Variants in ADNP2 observed in about 807,000 individuals in gnomAD.
The protein encoded by ADNP2 is ADNP homeobox 2.
ADNP2 carries 8 observed loss-of-function variants against 16.4 expected under a neutral mutation model. The ratio of observed to expected loss-of-function variants is 0.49; its 90% CI spans 0.29 to 0.88. The LOEUF (loss-of-function observed/expected upper bound fraction) is 0.88. ADNP2 is among the 40% of genes least tolerant of loss of function. The pLI is 0.09. For missense variants in ADNP2, 1,397 were observed against 1,395.1 expected, an observed-to-expected ratio of 1.00 and a Z score of -0.02; for synonymous variants, 637 against 545.8, an observed-to-expected ratio of 1.17 and a Z score of -2.33.
chr18:80,112,433 CAAAA>C (rs958958900), intron 1 of ADNP2, among the ~76,000 whole-genome samples: 1 of 124,430 alleles, frequency 8.0e-6, no homozygotes, highest in Non-Finnish European at 1.7e-5. Flanking sequence ...AACTGCTAAA[CAAAA>C]AAAAAAAGGA....
At chr18:80,135,481 G>A (rs1395684369) in intron 3 of ADNP2, 131 bp from the exon 4 acceptor site, 1 of 977,014 alleles carries the variant, frequency 1.0e-6, no homozygotes, top group Non-Finnish European at 1.5e-6. Context: ...CAACCCCTGG[G>A]TTAGAAAACA....
At chr18:80,126,208 A>G (rs751052863) in intron 2 of ADNP2, among the ~76,000 whole-genome samples, 3 of 152,174 alleles carry the variant, frequency 2.0e-5, no homozygotes, top group Non-Finnish European at 4.4e-5. Context: ...TCTACAGTAT[A>G]AGAACCTTAG....
rs1283548094 is a variant in ADNP2, at chr18:80,140,267, A to C, written c.*1458A>C. On this transcript the variant is annotated 3_prime_UTR_variant, in exon 4 of 4. Coordinates refer to ENST00000262198, the MANE Select transcript of ADNP2 (RefSeq NM_014913.4). ...TGTACTCTGTTGTAAATTCAAAGAGAGCTTGTTGAACATTTTTTTTTTTTA... is the reference window on the plus strand; with the variant it reads ...TGTACTCTGTTGTAAATTCAAAGAGCGCTTGTTGAACATTTTTTTTTTTTA... 6.6e-6 allele frequency: 1 copy of C among 152,228 alleles called. No homozygotes were observed. The highest frequency in any genetic ancestry group is 1.5e-5 in the Non-Finnish European group (1 of 67,952). 9.4% of individuals were successfully genotyped at this position (152,228 alleles called of 1,614,324 possible).
chr18:80,132,230 G>A, intron 2 of ADNP2, among the ~76,000 whole-genome samples: 1 of 152,162 alleles, frequency 6.6e-6, no homozygotes, highest in South Asian at 2.1e-4. Flanking sequence ...CTTGCTGAGA[G>A]CTTTATAGTC....
chr18:80,131,664 C>A (rs1346829848), intron 2 of ADNP2, among the ~76,000 whole-genome samples: 2 of 151,110 alleles, frequency 1.3e-5, no homozygotes, highest in Non-Finnish European at 2.9e-5. Context: ...CAATACTATG[C>A]AGCCATAAAA....
intron 1 of ADNP2, among the ~76,000 whole-genome samples, chr18:80,110,852 C>T (rs1412386210): frequency 6.6e-6 from 1 of 152,072 alleles, no homozygotes; most frequent in Admixed American, 6.6e-5. Flanking sequence ...GTCCTACCGG[C>T]CCTCTAGTTG....
In ADNP2 at chr18:80,139,547, T is replaced by C. The variant is rs1485983274; in HGVS notation, c.*738T>C. On this transcript the variant is annotated 3_prime_UTR_variant, in exon 4 of 4. Coordinates refer to ENST00000262198, the MANE Select transcript of ADNP2 (RefSeq NM_014913.4). Reference sequence around the variant, plus strand: ...ATTTATTCTGTAGATGCAGAAATATTTTTCAGTGTAGATTTTCCCTTTTGA... The same window carrying C: ...ATTTATTCTGTAGATGCAGAAATATCTTTCAGTGTAGATTTTCCCTTTTGA... 6.6e-6 allele frequency: 1 copy of C among 152,588 alleles called. No homozygotes were observed. Among genetic ancestry groups the C allele is most frequent in the African/African-American group, 2.4e-5 (1 of 41,430 alleles). The allele number at this position is 152,588 out of a possible 1,614,324, so 9.5% of individuals were successfully genotyped here.
rs192885444 is a variant in ADNP2, at chr18:80,139,953, G to A, written c.*1144G>A. ...ATATTGTTAAAGAATCTCCATTGTCGTCACTGTCCTGTGGATGTTAAACCT... is the reference window on the plus strand; with the variant it reads ...ATATTGTTAAAGAATCTCCATTGTCATCACTGTCCTGTGGATGTTAAACCT... On this transcript the variant is annotated 3_prime_UTR_variant, in exon 4 of 4. Coordinates refer to ENST00000262198, the MANE Select transcript of ADNP2 (RefSeq NM_014913.4). The A allele has an allele frequency of 6.6e-6, 1 of 152,234 alleles. No homozygotes were observed. Among genetic ancestry groups the A allele is most frequent in the East Asian group, 1.9e-4 (1 of 5,186 alleles). The allele number at this position is 152,234 out of a possible 1,614,324, so 9.4% of individuals were successfully genotyped here. A position where few individuals can be genotyped will look rare whatever the true frequency, so the allele number is the denominator to read the frequency against.
rs760371722 is a variant in ADNP2, at chr18:80,137,550, G to A, written c.2137G>A (p.Glu713Lys). 3 of 1,614,234 alleles carry A rather than the reference G, an allele frequency of 1.9e-6. No homozygotes were observed. Among genetic ancestry groups the A allele is most frequent in the African/African-American group, 2.7e-5 (2 of 75,060 alleles). ...GTCCAACGTCTACCAGGTCCACATG[G>A]AGGTAGCGCATAAGCACAGCGAGTC... Reference protein sequence around the residue: ...FPSNVYQVHMEVAHKHSESKS... With the variant: ...FPSNVYQVHMKVAHKHSESKS... The change falls in exon 4 of 4, where the codon GAG becomes AAG. Residue 713 changes from glutamate to lysine, a missense_variant. Physicochemically the swap from Glu to Lys is moderately conservative, Grantham distance 56. Around this residue, in one of 3 missense-constraint regions of ADNP2, gnomAD observed 611 missense variants for 648.7 expected, o/e 0.94. Transcript: ENST00000262198. The surrounding 1 kb of genome is among the most constrained non-coding windows in gnomAD (Gnocchi z 4.2).
intron 1 of ADNP2, among the ~76,000 whole-genome samples, chr18:80,112,899 T>C (rs1240528875): frequency 1.3e-5 from 2 of 152,230 alleles, no homozygotes; most frequent in Non-Finnish European, 2.9e-5. Flanking sequence ...TGATGGTCCC[T>C]ACTTTAGACA....
intron 2 of ADNP2, among the ~76,000 whole-genome samples, chr18:80,127,174 CTG>C (rs980846940): frequency 1.3e-5 from 2 of 152,012 alleles, no homozygotes; most frequent in African/African-American, 4.8e-5. Context: ...GTAGGTATGT[CTG>C]TATAGGAAAA....
At chr18:80,128,644 C>T (rs1054202343) in intron 2 of ADNP2, among the ~76,000 whole-genome samples, 5 of 151,870 alleles carry the variant, frequency 3.3e-5, no homozygotes, top group Admixed American at 6.6e-5. Context: ...AGCAAGACCC[C>T]GTCTCAAAAA....
At chr18:80,123,099 C>T (rs1410342618) in intron 2 of ADNP2, among the ~76,000 whole-genome samples, 1 of 152,006 alleles carries the variant, frequency 6.6e-6, no homozygotes, top group Admixed American at 6.6e-5. Context: ...GTGCTTCATT[C>T]TACTAATGTG....
At position 80,137,297 on chromosome 18, in the gene ADNP2, T is replaced by A; in HGVS notation, c.1884T>A (p.Pro628=). 6.2e-7 allele frequency: 1 copy of A among 1,613,988 alleles called. No individual in the cohort carries two copies. Among genetic ancestry groups the A allele is most frequent in the South Asian group, 1.1e-5 (1 of 91,080 alleles). ...TGTCTGTCACTCTGCCGGTTCCCCC[T>A]GGAGGCCTTGCGACTGTCGCTCCGC... ...APVSVTLPVP[P]GGLATVAPPQ... Residue 628 remains proline (P), a synonymous_variant, in exon 4 of 4, where the codon CCT becomes CCA. Coordinates refer to ENST00000262198, the MANE Select transcript of ADNP2 (RefSeq NM_014913.4). The surrounding 1 kb of genome is among the most constrained non-coding windows in gnomAD (Gnocchi z 4.2).
chr18:80,128,268 C>T (rs1407122434), intron 2 of ADNP2, among the ~76,000 whole-genome samples: 1 of 152,148 alleles, frequency 6.6e-6, no homozygotes, highest in Non-Finnish European at 1.5e-5. Context: ...TATGTTTGCT[C>T]TTTGTTGGAA....
At chr18:80,123,414 C>G (rs1232570386) in intron 2 of ADNP2, among the ~76,000 whole-genome samples, 1 of 151,874 alleles carries the variant, frequency 6.6e-6, no homozygotes, top group Non-Finnish European at 1.5e-5. Context: ...TCTTATTGCC[C>G]AGGCTGGAGT....
Position 80,137,022 on chromosome 18 carries a change from G to C in ADNP2, c.1609G>C (p.Gly537Arg). Reference protein sequence around the residue: ...SSSAVVPVNQGVNSGVLQLSQ... With the variant: ...SSSAVVPVNQRVNSGVLQLSQ... ...CTCAGCTGTTGTGCCTGTAAACCAG[G>C]GTGTGAATTCTGGTGTTCTGCAGCT... The change falls in exon 4 of 4, where the codon GGT becomes CGT. Residue 537 changes from glycine (G) to arginine (R), a missense_variant. Physicochemically the swap from Gly to Arg is moderately radical, Grantham distance 125. Around this residue, in one of 3 missense-constraint regions of ADNP2, gnomAD observed 777 missense variants for 719.4 expected, o/e 1.08. Transcript: ENST00000262198. The surrounding 1 kb of genome is among the most constrained non-coding windows in gnomAD (Gnocchi z 4.2). The C allele has an allele frequency of 6.2e-7, 1 of 1,614,038 alleles. No individual in the cohort carries two copies. The highest frequency in any genetic ancestry group is 8.5e-7 in the Non-Finnish European group (1 of 1,179,998).
At chr18:80,125,776 A>C (rs1908346297) in intron 2 of ADNP2, among the ~76,000 whole-genome samples, 1 of 152,078 alleles carries the variant, frequency 6.6e-6, no homozygotes, top group African/African-American at 2.4e-5. Flanking sequence ...ACACCACTGC[A>C]CTCCAGCTTG....
At chr18:80,117,774 T>C in intron 2 of ADNP2, 124 bp downstream of exon 2, 2 of 659,690 alleles carry the variant, frequency 3.0e-6, no homozygotes, top group East Asian at 3.0e-5. Context: ...TGTGAAAGCC[T>C]CATTAGTACT....
Sources: gnomAD v4.1 joint callset for allele counts (sites outside exome capture counted in the v4.1 genomes callset) on GRCh38, gnomAD v4.1.1 for gene constraint, gnomAD v4.1.1 regional missense constraint, Gnocchi (gnomAD v3.1) non-coding constraint, MANE v1.5 for transcripts, NCBI Gene and HGNC (gene_info 2026-07-23, HGNC 2026-07-21) for gene names.